FRMPD4: variants seen among roughly 807,000 people sequenced by gnomAD.
The protein encoded by FRMPD4 is FERM and PDZ domain-containing protein 4.
In FRMPD4, 22 loss-of-function variants were observed where a neutral mutation model predicts 94.1. The observed-to-expected ratio is 0.23, with a 90% CI of 0.17 to 0.33. The LOEUF (loss-of-function observed/expected upper bound fraction) is 0.33. FRMPD4 is among the 10% of genes least tolerant of loss of function. The pLI, the probability that FRMPD4 is intolerant of heterozygous loss-of-function variation, is 1.00. For missense variants in FRMPD4, 1,111 were observed against 1,339.9 expected (o/e 0.83, Z 2.67); for synonymous variants, 631 against 548.6 (o/e 1.15, Z -2.10).
intron 2 of FRMPD4, among the ~76,000 whole-genome samples, chrX:12,540,368 A>G (rs1376961961): frequency 8.9e-6 from 1 of 111,965 alleles, no homozygotes; most frequent in African/African-American, 3.3e-5. Context: ...AGACACACAT[A>G]GGCTCAAAAT....
chrX:12,689,223 A>T (rs953838614), intron 7 of FRMPD4, among the ~76,000 whole-genome samples: 1 of 112,099 alleles, frequency 8.9e-6, no homozygotes, highest in South Asian at 3.8e-4. Flanking sequence ...TTAGTTTTAC[A>T]TTGTAGTAAA....
At chrX:12,444,855 C>T (rs1310416461) in intron 1 of FRMPD4, among the ~76,000 whole-genome samples, 1 of 112,117 alleles carries the variant, frequency 8.9e-6, no homozygotes, top group Admixed American at 9.5e-5. Context: ...CATTAGGCAC[C>T]ACCTTCCGAC....
intron 14 of FRMPD4, among the ~76,000 whole-genome samples, chrX:12,711,359 G>A (rs1483268845): frequency 1.8e-5 from 2 of 111,693 alleles, no homozygotes; most frequent in African/African-American, 6.5e-5. Context: ...AACACTAGAA[G>A]AAAATTCTTC....
chrX:12,182,528 C>G (rs372724802), intron 1 of FRMPD4, among the ~76,000 whole-genome samples: 78 of 108,778 alleles, frequency 7.2e-4, no homozygotes, highest in African/African-American at 2.5e-3. Flanking sequence ...CACCTTCTAT[C>G]TAAAACTTTG....
intron 1 of FRMPD4, among the ~76,000 whole-genome samples, chrX:12,224,374 T>A (rs2056901116): frequency 9.1e-6 from 1 of 110,479 alleles, no homozygotes; most frequent in Admixed American, 9.7e-5. Flanking sequence ...TTGAGCCTCC[T>A]GAATAGCTGG....
chrX:12,174,109 A>G (rs982552851), intron 1 of FRMPD4, among the ~76,000 whole-genome samples: 2 of 111,768 alleles, frequency 1.8e-5, no homozygotes, highest in Non-Finnish European at 3.8e-5. Flanking sequence ...AGGGCCACAT[A>G]GTACACATTT....
chrX:12,119,927 A>G (rs2055440716), intron 3 of FRMPD4, among the ~76,000 whole-genome samples: 1 of 112,392 alleles, frequency 8.9e-6, no homozygotes, highest in South Asian at 3.7e-4. Flanking sequence ...GTTCTATGGG[A>G]CTGAAGTCAG....
At chrX:12,277,370 AAAG>A (rs1369193422) in intron 1 of FRMPD4, among the ~76,000 whole-genome samples, 3 of 112,232 alleles carry the variant, frequency 2.7e-5, no homozygotes, top group African/African-American at 6.5e-5. Flanking sequence ...ATGAAGACCC[AAAG>A]AAGAAGTTGG....
chrX:12,243,351 C>G, intron 1 of FRMPD4, among the ~76,000 whole-genome samples: 1 of 112,646 alleles, frequency 8.9e-6, no homozygotes, highest in Non-Finnish European at 1.9e-5. Flanking sequence ...GATATTTAAA[C>G]AACTCAAGCA....
At chrX:11,874,581 A>G (rs760106162) in intron 2 of FRMPD4, among the ~76,000 whole-genome samples, 1 of 112,555 alleles carries the variant, frequency 8.9e-6, no homozygotes, top group African/African-American at 3.2e-5. Flanking sequence ...GGACTTGGGC[A>G]TCCTCGAATT....
At chrX:12,122,691 T>C (rs770175037) in intron 3 of FRMPD4, among the ~76,000 whole-genome samples, 2 of 110,535 alleles carry the variant, frequency 1.8e-5, no homozygotes, top group Non-Finnish European at 3.8e-5. Flanking sequence ...GATCAACTGA[T>C]ACTTTATAAG....
intron 2 of FRMPD4, among the ~76,000 whole-genome samples, chrX:12,504,609 T>C (rs2057959509): frequency 1.8e-5 from 2 of 112,621 alleles, no homozygotes; most frequent in South Asian, 7.4e-4. Context: ...TGTTTTCTTT[T>C]GAATCTGACA....
chrX:12,477,085 G>GA (rs2057610718), intron 1 of FRMPD4, among the ~76,000 whole-genome samples: 1 of 112,098 alleles, frequency 8.9e-6, no homozygotes, highest in African/African-American at 3.2e-5. Context: ...ACTAGGTTAA[G>GA]AAAATGTGAC....
At chrX:12,066,837 A>C (rs1427491938) in intron 3 of FRMPD4, among the ~76,000 whole-genome samples, 1 of 108,104 alleles carries the variant, frequency 9.3e-6, no homozygotes, top group Non-Finnish European at 1.9e-5. Flanking sequence ...CTAAAAAAAA[A>C]AACAGAGCAG....
intron 1 of FRMPD4, among the ~76,000 whole-genome samples, chrX:11,839,866 G>T (rs1315573994): frequency 7.2e-5 from 8 of 110,603 alleles, no homozygotes; most frequent in Non-Finnish European, 1.5e-4. Flanking sequence ...TTGTCTCAGT[G>T]CCTTTGTTGA....
intron 1 of FRMPD4, among the ~76,000 whole-genome samples, chrX:12,385,109 G>A (rs1420226880): frequency 4.5e-5 from 5 of 112,196 alleles, no homozygotes; most frequent in African/African-American, 1.6e-4. Flanking sequence ...GTTTCTCATG[G>A]TATGTTTCCC....
In FRMPD4 at chrX:11,975,163, G is replaced by A. The variant is rs1014056710; in HGVS notation, c.95+97145G>A. 2.1e-4 allele frequency among the ~76,000 whole-genome samples: 23 copies of A among 112,073 alleles called. 1 individual carries two copies. Among genetic ancestry groups the A allele is most frequent in the African/African-American group, 7.5e-4 (23 of 30,786 alleles). ...CCCTGAGCATAAATCATATCACAAA[G>A]GAGGGCAGAGACTTACAGAGAGCAA... On this transcript the variant is annotated intron_variant, in intron 3 of 18. Coordinates refer to the FRMPD4 transcript ENST00000640291.
intron 3 of FRMPD4, among the ~76,000 whole-genome samples, chrX:12,042,310 T>C (rs1234245179): frequency 9.0e-6 from 1 of 110,656 alleles, no homozygotes; most frequent in Non-Finnish European, 1.9e-5. Context: ...TAGGTATTTA[T>C]GTTGTAGCAA....
At chrX:11,822,551 C>T (rs2053418649) in exon 1 of FRMPD4, among the ~76,000 whole-genome samples, 1 of 111,736 alleles carries the variant, frequency 8.9e-6, no homozygotes, top group African/African-American at 3.3e-5. Context: ...TGGGGTCACA[C>T]AAAGAAAAAG....
Sources: gnomAD v4.1 joint callset for allele counts (sites outside exome capture counted in the v4.1 genomes callset) on GRCh38, gnomAD v4.1.1 for gene constraint, MANE v1.5 for transcripts, NCBI Gene and HGNC (gene_info 2026-07-23, HGNC 2026-07-21) for gene names.